Variants in KCND2 observed in about 807,000 individuals in gnomAD.
KCND2 encodes the protein A-type voltage-gated potassium channel KCND2.
Under a neutral mutation model 54.4 loss-of-function variants are expected in KCND2, and 16 were observed. The ratio of observed to expected loss-of-function variants is 0.29; its 90% confidence interval spans 0.20 to 0.45. KCND2 has a LOEUF of 0.45. Among genes scored for constraint, KCND2 ranks in the 20% least tolerant of loss-of-function variants. The pLI is 1.00. For missense variants in KCND2, 486 were observed against 824.2 expected (o/e 0.59, Z 5.02); for synonymous variants, 317 against 310.7 (o/e 1.02, Z -0.21).
rs756020692 is a variant in KCND2, at chr7:120,275,235, G to A, written c.603G>A (p.Ala201=). The A allele has an allele frequency of 6.2e-7, 1 of 1,613,890 alleles. No individual in the cohort carries two copies. Among genetic ancestry groups the A allele is most frequent in the South Asian group, 1.1e-5 (1 of 91,054 alleles). ...TGFFIAVSVI[A]NVVETVPCGS... is the part of the protein sequence containing the mutation. ...TTTTCATTGCCGTCTCTGTCATCGC[G>A]AATGTGGTGGAAACAGTGCCGTGCG... The change falls in exon 1 of 6, where the codon GCG becomes GCA. Residue 201 remains alanine (A), a synonymous_variant. Transcript: ENST00000331113.
chr7:120,673,180 G>A (rs911151080), intron 1 of KCND2, among the ~76,000 whole-genome samples: 2 of 152,176 alleles, frequency 1.3e-5, no homozygotes, highest in East Asian at 3.9e-4. Flanking sequence ...TGGACTTCTC[G>A]TCTCCAGAGT....
chr7:120,601,778 T>G (rs117060384), intron 1 of KCND2, among the ~76,000 whole-genome samples: 1,781 of 152,288 alleles, frequency 0.012, 15 homozygotes, highest in Non-Finnish European at 0.02. Flanking sequence ...AAATTTGAAA[T>G]TTAGTTGAAA....
At chr7:120,506,739 A>G (rs1803027647) in intron 1 of KCND2, among the ~76,000 whole-genome samples, 1 of 151,912 alleles carries the variant, frequency 6.6e-6, no homozygotes, top group African/African-American at 2.4e-5. Context: ...TCTAGTTTTC[A>G]TATAACGGAT....
intron 1 of KCND2, among the ~76,000 whole-genome samples, chr7:120,384,327 C>T (rs1290058838): frequency 6.6e-6 from 1 of 151,996 alleles, no homozygotes; most frequent in Non-Finnish European, 1.5e-5. Context: ...GTTATACATC[C>T]ATTGTAACTT....
chr7:120,613,788 C>T (rs1394503005), intron 1 of KCND2, among the ~76,000 whole-genome samples: 1 of 152,038 alleles, frequency 6.6e-6, no homozygotes, highest in Non-Finnish European at 1.5e-5. Context: ...TGTTAAGATG[C>T]CTAAATGGTA....
chr7:120,644,927 T>C (rs1168497548), intron 1 of KCND2, among the ~76,000 whole-genome samples: 1 of 149,032 alleles, frequency 6.7e-6, no homozygotes, highest in Non-Finnish European at 1.5e-5. Flanking sequence ...ACAGTTATTC[T>C]ATTTTATGTG....
intron 1 of KCND2, among the ~76,000 whole-genome samples, chr7:120,482,106 T>A (rs190328368): frequency 2.6e-4 from 40 of 152,294 alleles, no homozygotes; most frequent in African/African-American, 8.9e-4. Context: ...CTCCACTGTA[T>A]CCAGGAAGTA....
At chr7:120,576,946 A>G (rs1318999229) in intron 1 of KCND2, among the ~76,000 whole-genome samples, 1 of 152,186 alleles carries the variant, frequency 6.6e-6, no homozygotes, top group Non-Finnish European at 1.5e-5. Flanking sequence ...CAGGAGTTCA[A>G]GATCAGCCTG....
chr7:120,625,795 TAAGA>T (rs1035290244), intron 1 of KCND2, among the ~76,000 whole-genome samples: 28 of 152,184 alleles, frequency 1.8e-4, no homozygotes, highest in African/African-American at 6.3e-4. Flanking sequence ...AGAACAATAA[TAAGA>T]AACTTGAAAA....
In KCND2 at chr7:120,746,012, C is replaced by A; in HGVS notation, c.1700C>A (p.Thr567Lys). The change falls in exon 5 of 6, where the codon ACA (threonine) becomes AAA (lysine). Residue 567 changes from threonine to lysine, a missense_variant. This residue lies in a region of KCND2 where 202 missense variants were observed against 252.7 expected (regional missense o/e 0.80). Transcript: ENST00000331113. ...STIQIRCVER[T>K]PLSNSRSSLN... ...ATTCAGATCAGATGTGTGGAGAGAA[C>A]ACCTCTGTCTAACAGGTACCTGAGA... The A allele has an allele frequency of 6.2e-7, 1 of 1,613,390 alleles. No homozygotes were observed. Among genetic ancestry groups the A allele is most frequent in the South Asian group, 1.1e-5 (1 of 91,080 alleles).
At chr7:120,345,511 G>C (rs559438826) in intron 1 of KCND2, among the ~76,000 whole-genome samples, 1 of 152,150 alleles carries the variant, frequency 6.6e-6, no homozygotes, top group South Asian at 2.1e-4. Context: ...TTACAAAACC[G>C]AAACTCTGTA....
intron 1 of KCND2, among the ~76,000 whole-genome samples, chr7:120,386,695 A>G (rs1800993298): frequency 6.6e-6 from 1 of 152,086 alleles, no homozygotes; most frequent in Non-Finnish European, 1.5e-5. Context: ...TCTACTCACA[A>G]ATGTTGACAG....
rs1004648304 is a variant in KCND2, at chr7:120,311,824, G to C, written c.1115+36077G>C. On this transcript the variant is annotated intron_variant, in intron 1 of 5. Coordinates refer to ENST00000331113, the MANE Select transcript of KCND2 (RefSeq NM_012281.3). ...TTATAAGTGAGAACATGCTGTATTT[G>C]TTTTCTGTTCCTGTGTTAGTTTGCT... 9.2e-5 allele frequency among the ~76,000 whole-genome samples: 14 copies of C among 152,056 alleles called. No homozygotes were observed. The South Asian group carries it at 2.9e-3, about 32-fold the overall frequency.
chr7:120,527,828 G>A (rs974170740), intron 1 of KCND2, among the ~76,000 whole-genome samples: 1 of 151,914 alleles, frequency 6.6e-6, no homozygotes, highest in Non-Finnish European at 1.5e-5. Context: ...GAAGTATAAG[G>A]ACATGTTTAT....
At chr7:120,540,737 T>C (rs1339305112) in intron 1 of KCND2, among the ~76,000 whole-genome samples, 1 of 152,144 alleles carries the variant, frequency 6.6e-6, no homozygotes, top group African/African-American at 2.4e-5. Flanking sequence ...GATAAGTCGA[T>C]CAAAATAATG....
intron 1 of KCND2, among the ~76,000 whole-genome samples, chr7:120,388,890 G>GTATATA (rs71155908): frequency 6.8e-5 from 10 of 146,310 alleles, no homozygotes; most frequent in East Asian, 6.0e-4. Flanking sequence ...ATATATACAT[G>GTATATA]TATATATATA....
chr7:120,299,524 A>G (rs748268437), intron 1 of KCND2, among the ~76,000 whole-genome samples: 8 of 152,216 alleles, frequency 5.3e-5, no homozygotes, highest in Non-Finnish European at 1.2e-4. Flanking sequence ...TGAGTAATAG[A>G]AAACCTAAAA....
intron 1 of KCND2, among the ~76,000 whole-genome samples, chr7:120,380,463 A>G (rs960833842): frequency 6.6e-6 from 1 of 152,070 alleles, no homozygotes; most frequent in Non-Finnish European, 1.5e-5. Context: ...GATACAGCAC[A>G]AATTCCAAAG....
At chr7:120,735,376 T>C (rs2116154894) in intron 2 of KCND2, among the ~76,000 whole-genome samples, 1 of 152,130 alleles carries the variant, frequency 6.6e-6, no homozygotes, top group South Asian at 2.1e-4. Context: ...TTGTCTAAAA[T>C]AACAGGATCC....
Sources: gnomAD v4.1 joint callset for allele counts (sites outside exome capture counted in the v4.1 genomes callset) on GRCh38, gnomAD v4.1.1 for gene constraint, gnomAD v4.1.1 regional missense constraint, MANE v1.5 for transcripts, NCBI Gene and HGNC (gene_info 2026-07-23, HGNC 2026-07-21) for gene names.